The following LRRC7 variants were observed in gnomAD, a reference collection of about 807,000 sequenced individuals.
LRRC7 encodes the protein leucine rich repeat containing 7.
In LRRC7, 23 loss-of-function variants were observed where a neutral mutation model predicts 175.7. The observed-to-expected ratio is 0.13, with a 90% CI of 0.09 to 0.19. The LOEUF is 0.19. Among genes scored for constraint, LRRC7 ranks in the 10% least tolerant of loss-of-function variants. LRRC7 has a pLI of 1.00. For synonymous variants in LRRC7, 685 were observed against 680.9 expected (o/e 1.01, Z -0.09); for missense variants, 1,354 against 1,904.7 (o/e 0.71, Z 5.38).
At chr1:70,040,875 GA>G (rs200059638) in intron 21 of LRRC7, among the ~76,000 whole-genome samples, 5 of 151,220 alleles carry the variant, frequency 3.3e-5, no homozygotes, top group Non-Finnish European at 5.9e-5. Flanking sequence ...ATCAGGGACA[GA>G]AAAAAAAATC....
chr1:69,774,665 G>C (rs552168994), intron 3 of LRRC7, among the ~76,000 whole-genome samples: 2 of 152,008 alleles, frequency 1.3e-5, no homozygotes, highest in Non-Finnish European at 2.9e-5. Context: ...TTACATTTAT[G>C]TTTAAAAAAA....
chr1:69,996,636 C>A (rs1654999689), intron 11 of LRRC7, among the ~76,000 whole-genome samples: 1 of 152,074 alleles, frequency 6.6e-6, no homozygotes, highest in Admixed American at 6.6e-5. Flanking sequence ...GTTTTCCTAG[C>A]ACCATTTATT....
intron 1 of LRRC7, among the ~76,000 whole-genome samples, chr1:69,650,488 C>T (rs1223696070): frequency 7.1e-6 from 1 of 141,604 alleles, no homozygotes; most frequent in Non-Finnish European, 1.5e-5. Flanking sequence ...TGCAGTGAGC[C>T]GAGATCGCGC....
intron 22 of LRRC7, among the ~76,000 whole-genome samples, chr1:70,049,915 A>G (rs1349192035): frequency 6.6e-6 from 1 of 152,060 alleles, no homozygotes; most frequent in Non-Finnish European, 1.5e-5. Context: ...ATTATTTAGC[A>G]AAAGAGATCC....
intron 1 of LRRC7, among the ~76,000 whole-genome samples, chr1:69,628,229 GAA>G (rs1309156998): frequency 6.6e-6 from 1 of 151,608 alleles, no homozygotes; most frequent in Non-Finnish European, 1.5e-5. Flanking sequence ...TCATCTATAT[GAA>G]AAGTCAGAAT....
intron 3 of LRRC7, among the ~76,000 whole-genome samples, chr1:69,764,730 CAGATAGATAGATAGATAGAT>C (rs112836690): frequency 7.1e-6 from 1 of 140,300 alleles, no homozygotes; most frequent in Non-Finnish European, 1.5e-5. Context: ...GATAGATAGA[CAGATAGATAGATAGATAGAT>C]AGATAGATAG....
chr1:69,737,867 C>T (rs556555721), intron 2 of LRRC7, among the ~76,000 whole-genome samples: 1 of 152,174 alleles, frequency 6.6e-6, no homozygotes, highest in East Asian at 1.9e-4. Context: ...GACTAAGAAG[C>T]TGAGAGTCTT....
At chr1:69,798,208 C>T (rs1401032904) in intron 4 of LRRC7, among the ~76,000 whole-genome samples, 3 of 152,192 alleles carry the variant, frequency 2.0e-5, no homozygotes, top group African/African-American at 4.8e-5. Flanking sequence ...GCATGAGCCA[C>T]CGCGCCTGGC....
At chr1:69,747,142 A>C (rs1669340041) in intron 2 of LRRC7, among the ~76,000 whole-genome samples, 1 of 152,270 alleles carries the variant, frequency 6.6e-6, no homozygotes, top group South Asian at 2.1e-4. Flanking sequence ...TTTCCAAATA[A>C]GGTCACACTC....
intron 1 of LRRC7, among the ~76,000 whole-genome samples, chr1:69,670,000 C>A (rs1658837305): frequency 6.8e-6 from 1 of 147,002 alleles, no homozygotes; most frequent in Non-Finnish European, 1.6e-5. Context: ...CCTTGAATTT[C>A]TTTGAGTTTC....
chr1:69,996,885 C>G (rs1393968483), intron 11 of LRRC7, among the ~76,000 whole-genome samples: 1 of 152,136 alleles, frequency 6.6e-6, no homozygotes, highest in East Asian at 1.9e-4. Context: ...AATGCGGGCT[C>G]TTTTTTGGTT....
chr1:69,674,275 A>G (rs1349605309), intron 1 of LRRC7, among the ~76,000 whole-genome samples: 3 of 152,324 alleles, frequency 2.0e-5, no homozygotes, highest in East Asian at 3.9e-4. Flanking sequence ...TAATGGACTA[A>G]GAAGCAACTA....
intron 7 of LRRC7, among the ~76,000 whole-genome samples, chr1:69,907,870 G>A (rs570160423): frequency 5.1e-4 from 78 of 152,074 alleles, no homozygotes; most frequent in South Asian, 6.2e-4. Context: ...GGTAGAATTC[G>A]GCTGTGAATC....
At chr1:70,118,775 G>A (rs1476720512) in intron 26 of LRRC7, among the ~76,000 whole-genome samples, 1 of 152,028 alleles carries the variant, frequency 6.6e-6, no homozygotes, top group African/African-American at 2.4e-5. Flanking sequence ...GTTTCACACT[G>A]GGCTTTCATG....
intron 3 of LRRC7, among the ~76,000 whole-genome samples, chr1:69,764,209 G>C (rs1367698951): frequency 1.3e-5 from 2 of 151,848 alleles, no homozygotes; most frequent in Non-Finnish European, 2.9e-5. Flanking sequence ...ATTTAGTACT[G>C]TTTTGCTTGT....
intron 1 of LRRC7, among the ~76,000 whole-genome samples, chr1:69,622,239 GC>G (rs1200740351): frequency 6.6e-6 from 1 of 152,136 alleles, no homozygotes; most frequent in Non-Finnish European, 1.5e-5. Flanking sequence ...AAAGTAAATG[GC>G]TTTCCAGATT....
intron 2 of LRRC7, among the ~76,000 whole-genome samples, chr1:69,746,198 T>C (rs1470800526): frequency 6.6e-6 from 1 of 152,076 alleles, no homozygotes; most frequent in Non-Finnish European, 1.5e-5. Flanking sequence ...TCTTTTCCAC[T>C]ATATCTCATT....
chr1:69,583,057 C>T (rs1488636445), intron 1 of LRRC7, among the ~76,000 whole-genome samples: 1 of 151,866 alleles, frequency 6.6e-6, no homozygotes, highest in East Asian at 1.9e-4. Context: ...TTCTTTCAAG[C>T]ACTGAAGTTT....
At chr1:69,702,047 T>A (rs917808979) in intron 2 of LRRC7, among the ~76,000 whole-genome samples, 3 of 152,210 alleles carry the variant, frequency 2.0e-5, no homozygotes, top group Non-Finnish European at 4.4e-5. Flanking sequence ...AACAAGGCAT[T>A]GTGTTTTATT....
Sources: gnomAD v4.1 joint callset for allele counts (sites outside exome capture counted in the v4.1 genomes callset) on GRCh38, gnomAD v4.1.1 for gene constraint, MANE v1.5 for transcripts, NCBI Gene and HGNC (gene_info 2026-07-23, HGNC 2026-07-21) for gene names.